Variants in MTAP observed in about 807,000 individuals in gnomAD.
MTAP encodes the protein methylthioadenosine phosphorylase, also known as S-methyl-5'-thioadenosine phosphorylase.
In MTAP, 33 loss-of-function variants were observed where a neutral mutation model predicts 33.6. The ratio of observed to expected loss-of-function variants is 0.98; its 90% CI spans 0.74 to 1.31. The LOEUF is 1.31. Ranked by LOEUF, MTAP falls within the 40% of genes most tolerant of loss-of-function variation. MTAP has a pLI of 0.00. For missense variants in MTAP, 367 were observed against 360.0 expected, an observed-to-expected ratio of 1.02 and a Z score of -0.16; for synonymous variants, 148 against 125.7, an observed-to-expected ratio of 1.18 and a Z score of -1.19.
chr9:21,889,552 G>C (rs974484057), intron 1 of MTAP, among the ~76,000 whole-genome samples: 3 of 152,116 alleles, frequency 2.0e-5, no homozygotes, highest in Non-Finnish European at 4.4e-5. Context: ...AAGGGCTGCT[G>C]TTCAGATTCT....
intron 1 of MTAP, among the ~76,000 whole-genome samples, chr9:21,903,364 A>G (rs1474124733): frequency 6.6e-6 from 1 of 152,148 alleles, no homozygotes; most frequent in Non-Finnish European, 1.5e-5. Context: ...TCCTTTACTG[A>G]TAATATGCAA....
rs192327540 is a variant in MTAP at position 21,866,318 on chromosome 9, G to T, written c.*4304G>T. On this transcript the variant is annotated 3_prime_UTR_variant, in exon 8 of 8. Transcript: ENST00000644715. ...GATATGTGTGTTGTGACTATTCTTA[G>T]TCTTTAGCTTGCCTTTTCATTTTCT... 2.0e-5 allele frequency: 3 copies of T among 152,200 alleles called. No homozygotes were observed. The highest frequency in any genetic ancestry group is 2.0e-4 in the Admixed American group (3 of 15,268). The allele number at this position is 152,200 out of a possible 1,614,324, so 9.4% of individuals were successfully genotyped here. A position where few individuals can be genotyped will look rare whatever the true frequency, so the allele number is the denominator to read the frequency against.
chr9:21,927,995 A>G (rs1818896123), intron 1 of MTAP, among the ~76,000 whole-genome samples: 1 of 152,210 alleles, frequency 6.6e-6, no homozygotes, highest in Non-Finnish European at 1.5e-5. Flanking sequence ...ATGGGGAAAT[A>G]TGTTATCTGA....
chr9:21,856,785 T>A (rs531198563), intron 6 of MTAP, among the ~76,000 whole-genome samples: 3 of 152,250 alleles, frequency 2.0e-5, no homozygotes, highest in Non-Finnish European at 4.4e-5. Context: ...AATCGTGTGT[T>A]GCAGCCTGGC....
chr9:21,805,130 A>G (rs1299187337), intron 1 of MTAP, among the ~76,000 whole-genome samples: 2 of 152,244 alleles, frequency 1.3e-5, no homozygotes, highest in African/African-American at 2.4e-5. Context: ...ATACAGTAAC[A>G]TGTAACACAC....
chr9:21,882,372 C>G (rs1048237145), intron 1 of MTAP, among the ~76,000 whole-genome samples: 3 of 151,934 alleles, frequency 2.0e-5, no homozygotes, highest in Admixed American at 2.0e-4. Context: ...GTTTTATTCT[C>G]AAAATTGTAA....
chr9:21,902,642 C>T (rs1425685516), intron 1 of MTAP, among the ~76,000 whole-genome samples: 1 of 152,164 alleles, frequency 6.6e-6, no homozygotes, highest in Non-Finnish European at 1.5e-5. Context: ...ATTCTCAATC[C>T]AATAATGTAG....
At chr9:21,910,626 G>A (rs992775968) in intron 1 of MTAP, among the ~76,000 whole-genome samples, 19 of 152,318 alleles carry the variant, frequency 1.2e-4, no homozygotes, top group Middle Eastern at 3.4e-3. Flanking sequence ...GTATAATCAT[G>A]AAAATCACTG....
intron 1 of MTAP, among the ~76,000 whole-genome samples, chr9:21,908,821 A>G (rs1818517390): frequency 6.6e-6 from 1 of 151,906 alleles, no homozygotes; most frequent in Non-Finnish European, 1.5e-5. Context: ...ATTATACTTG[A>G]TATTACATTA....
At chr9:21,885,818 GTGTA>G (rs1245984644) in intron 1 of MTAP, among the ~76,000 whole-genome samples, 2 of 136,610 alleles carry the variant, frequency 1.5e-5, no homozygotes, top group South Asian at 2.3e-4. Context: ...GTGTGTGTGT[GTGTA>G]TACAGATCAC....
intron 1 of MTAP, among the ~76,000 whole-genome samples, chr9:21,905,386 C>G (rs981167291): frequency 6.6e-6 from 1 of 151,720 alleles, no homozygotes; most frequent in South Asian, 2.1e-4. Flanking sequence ...CTGCCCCCCT[C>G]CCTGTATCAA....
At chr9:21,874,716 A>G (rs1049671724) in intron 1 of MTAP, among the ~76,000 whole-genome samples, 7 of 143,828 alleles carry the variant, frequency 4.9e-5, no homozygotes, top group African/African-American at 1.8e-4. Flanking sequence ...TTTTAATTAT[A>G]CTTTAAGTGC....
intron 1 of MTAP, chr9:21,803,064 C>CACACACACACACACA: frequency 1.2e-6 from 1 of 853,808 alleles, no homozygotes; most frequent in South Asian, 2.5e-5. Flanking sequence ...TGCACCCGCA[C>CACACACACACACACA]CCTGTAGGGC....
intron 1 of MTAP, among the ~76,000 whole-genome samples, chr9:21,806,714 G>A (rs1005175654): frequency 2.0e-5 from 3 of 152,200 alleles, no homozygotes; most frequent in Admixed American, 1.3e-4. Flanking sequence ...AGGACCTCAG[G>A]GAGACATTGT....
rs1158353968 is a variant in MTAP at position 21,866,437 on chromosome 9, A to G, written c.*4423A>G. ...TGGTGCTTTTTGTGTGTTCCAAGAA[A>G]TCTTTGCCTACTCATTTAATTACCT... is the stretch of plus-strand genomic sequence containing the variant. On this transcript the variant is annotated 3_prime_UTR_variant, in exon 8 of 8. Coordinates refer to ENST00000644715, the MANE Select transcript of MTAP (RefSeq NM_002451.4). The G allele has an allele frequency of 2.6e-5, 4 of 152,092 alleles. No homozygotes were observed. The highest frequency in any genetic ancestry group is 6.5e-5 in the Admixed American group (1 of 15,278). The allele number at this position is 152,092 out of a possible 1,614,324, so 9.4% of individuals were successfully genotyped here. A position where few individuals can be genotyped will look rare whatever the true frequency, so the allele number is the denominator to read the frequency against.
At chr9:21,929,573 C>A (rs972487152) in intron 1 of MTAP, 18 of 366,576 alleles carry the variant, frequency 4.9e-5, no homozygotes, top group Admixed American at 9.9e-5. Flanking sequence ...TCCCCTTACT[C>A]CACCAAATGC....
intron 5 of MTAP, 23 bp from the exon 6 acceptor site, chr9:21,854,608 A>G (rs765606971): frequency 1.3e-6 from 2 of 1,522,514 alleles, no homozygotes; most frequent in Admixed American, 4.4e-5. Context: ...TATGTTTTGA[A>G]GTTTCTGGTT....
rs180940776 is a variant in MTAP at position 21,880,568 on chromosome 9, A to G, written c.147+25698A>G. Among the ~76,000 whole-genome samples, 280 of 152,258 alleles carry G rather than the reference A, an allele frequency of 1.8e-3. 4 individuals carry two copies. The highest frequency in any genetic ancestry group is 1.8e-3 in the Non-Finnish European group (125 of 67,998). ...AAGCTCAGCAAGGTTGTAAGATACA[A>G]CATTTATATACAAAACTCAACTGTA... On this transcript the variant is annotated intron_variant, in intron 1 of 1. Transcript: ENST00000577563.
intron 1 of MTAP, among the ~76,000 whole-genome samples, chr9:21,810,622 A>G (rs1170941184): frequency 6.6e-6 from 1 of 152,168 alleles, no homozygotes; most frequent in Non-Finnish European, 1.5e-5. Context: ...AAGCCTCAAC[A>G]TGAGTTTTGA....
Sources: allele counts gnomAD v4.1 joint callset (sites outside exome capture counted in the v4.1 genomes callset), GRCh38; gene constraint gnomAD v4.1.1; transcripts MANE v1.5; gene names NCBI Gene and HGNC (gene_info 2026-07-23, HGNC 2026-07-21).